Variants in ZDHHC11 observed in about 807,000 individuals in gnomAD.
ZDHHC11 encodes the protein zDHHC palmitoyltransferase 11.
ZDHHC11 carries 44 observed loss-of-function variants against 51.3 expected under a neutral mutation model. The ratio of observed to expected loss-of-function variants is 0.86; its 90% confidence interval spans 0.67 to 1.10. ZDHHC11 has a LOEUF of 1.10. Ranked by LOEUF, ZDHHC11 falls within the 50% of genes least tolerant of loss-of-function variation. The pLI is 0.00. For missense variants in ZDHHC11, 400 were observed against 537.7 expected (o/e 0.74, Z 2.53); for synonymous variants, 163 against 222.0 (o/e 0.73, Z 2.36).
At chr5:840,123 G>A in intron 5 of ZDHHC11, 1 of 610,422 alleles carries the variant, frequency 1.6e-6, no homozygotes, top group East Asian at 2.7e-5. Context: ...TTGTGTTTTT[G>A]GAAGTCCACC....
At chr5:821,161 C>T (rs1202425100) in intron 9 of ZDHHC11, 2 of 151,554 alleles carry the variant, frequency 1.3e-5, no homozygotes, top group Non-Finnish European at 3.0e-5. Flanking sequence ...AGCCCCTTGG[C>T]TCTCTGCTGC....
chr5:850,620 G>A lies in ZDHHC11; in HGVS notation c.-18C>T. On this transcript the variant is annotated 5_prime_UTR_variant, in exon 1 of 13. Coordinates refer to ENST00000283441, the MANE Select transcript of ZDHHC11 (RefSeq NM_024786.3). ...GTGTCCATCTGCAGGACACAGAAGG[G>A]GAGGACCTGCGCCGTCAGATCCTGG... is the stretch of plus-strand genomic sequence containing the variant. 6 of 1,611,526 alleles carry A rather than the reference G, an allele frequency of 3.7e-6. No individual in the cohort carries two copies. Among genetic ancestry groups the A allele is most frequent in the Non-Finnish European group, 5.1e-6 (6 of 1,178,974 alleles).
rs1744078858 is a variant in ZDHHC11, at chr5:837,615, C to A, written c.785-135G>T. ...AGGGAGAACTGCTCCGCCCACCATGCAGGCCCTGTGAGGTCAGGATGAGTG... is the reference window on the plus strand; with the variant it reads ...AGGGAGAACTGCTCCGCCCACCATGAAGGCCCTGTGAGGTCAGGATGAGTG... On this transcript the variant is annotated intron_variant, in intron 5 of 12. Coordinates refer to ENST00000283441, the MANE Select transcript of ZDHHC11 (RefSeq NM_024786.3). 9.4e-6 allele frequency: 9 copies of A among 957,214 alleles called. 1 individual carries two copies. 59.3% of individuals were successfully genotyped at this position (957,214 alleles called of 1,614,324 possible).
chr5:811,272 T>C lies in ZDHHC11; in HGVS notation c.1181+3489A>G, dbSNP rs189630588. On this transcript the variant is annotated intron_variant, in intron 11 of 12. Transcript: ENST00000283441. The stretch of plus-strand genomic sequence containing the variant: ...CCATAGGCTATACTTCAAAGTAAAA[T>C]CCAAAATAACCTGAATTCACTAAAT... Among the ~76,000 whole-genome samples, 1,137 of 138,616 alleles carry C rather than the reference T, an allele frequency of 8.2e-3. 100 individuals carry two copies. Among genetic ancestry groups the C allele is most frequent in the Non-Finnish European group, 0.014 (892 of 64,890 alleles). The allele number at this position is 138,616 out of a possible 152,430, so 90.9% of individuals were successfully genotyped here.
chr5:812,493 G>A (rs568303239), intron 11 of ZDHHC11, among the ~76,000 whole-genome samples: 3 of 151,552 alleles, frequency 2.0e-5, no homozygotes, highest in Non-Finnish European at 3.0e-5. Flanking sequence ...AGTCTCATTA[G>A]TAATAAGGAA....
rs1374175110 is a variant in ZDHHC11, at chr5:807,505, AAGCAGGTCAC to A, written c.1182-6351_1182-6342del. On this transcript the variant is annotated intron_variant, in intron 11 of 12. Coordinates refer to ENST00000283441, the MANE Select transcript of ZDHHC11 (RefSeq NM_024786.3). The stretch of plus-strand genomic sequence containing the variant: ...AAACAAAATACGGAGTCAATGAAGG[AAGCAGGTCAC>A]TCACAGATCAAGGATGAATCTGTTC... 1.3e-5 allele frequency among the ~76,000 whole-genome samples: 2 copies of A among 151,392 alleles called. 1 individual carries two copies. The highest frequency in any genetic ancestry group is 1.3e-4 in the Admixed American group (2 of 15,212).
chr5:821,180 G>A (rs1741512613), intron 9 of ZDHHC11: 1 of 151,534 alleles, frequency 6.6e-6, no homozygotes, highest in African/African-American at 2.4e-5. Flanking sequence ...GCTCCCCCCG[G>A]GGCAGGAGAA....
intron 3 of ZDHHC11, 73 bp downstream of exon 3, chr5:847,441 C>G (rs1746433287): frequency 1.9e-6 from 3 of 1,549,770 alleles, no homozygotes; most frequent in Non-Finnish European, 1.8e-6. Context: ...ACGATGACCC[C>G]TGCCCACAGA....
At chr5:817,866 G>C (rs546554739) in intron 10 of ZDHHC11, among the ~76,000 whole-genome samples, 2 of 151,434 alleles carry the variant, frequency 1.3e-5, no homozygotes, top group East Asian at 3.9e-4. Flanking sequence ...GAGTCAGGGT[G>C]TCTTCTATGG....
rs1254612008 is a variant in ZDHHC11, at chr5:850,944, C to T, written c.-342G>A. On this transcript the variant is annotated 5_prime_UTR_variant, in exon 1 of 13. Coordinates refer to ENST00000283441, the MANE Select transcript of ZDHHC11 (RefSeq NM_024786.3). The stretch of plus-strand genomic sequence containing the variant: ...AGGATTTGTTACGTTCTGGGGAGTG[C>T]TCGACAGCCCCCACACAGCGACAGG... The T allele has an allele frequency of 5.1e-6, 2 of 390,876 alleles. No homozygotes were observed. The highest frequency in any genetic ancestry group is 9.2e-5 in the East Asian group (2 of 21,840). The allele number at this position is 390,876 out of a possible 1,614,324, so 24.2% of individuals were successfully genotyped here.
At chr5:810,625 T>C (rs1204830442) in intron 11 of ZDHHC11, among the ~76,000 whole-genome samples, 1 of 151,280 alleles carries the variant, frequency 6.6e-6, no homozygotes, top group Non-Finnish European at 1.5e-5. Flanking sequence ...GAGCCTGAAG[T>C]AAAAGGCTGT....
At chr5:800,421 G>T (rs1369981228) in intron 12 of ZDHHC11, among the ~76,000 whole-genome samples, 1 of 150,524 alleles carries the variant, frequency 6.6e-6, no homozygotes, top group East Asian at 1.9e-4. Flanking sequence ...TTAGAGAAAG[G>T]GTTGCAGTCT....
intron 11 of ZDHHC11, among the ~76,000 whole-genome samples, chr5:808,984 TAC>T (rs56961185): frequency 0.58 from 77,026 of 133,548 alleles, 23,647 homozygotes; most frequent in Non-Finnish European, 0.72. Context: ...GACCATCAGT[TAC>T]ACACACACAC....
rs184811319 is a variant in ZDHHC11, at chr5:858,371, C to T, written c.-1+503G>A. Among the ~76,000 whole-genome samples, 790 of 143,478 alleles carry T rather than the reference C, an allele frequency of 5.5e-3. 6 individuals carry two copies. Among genetic ancestry groups the T allele is most frequent in the African/African-American group, 0.02 (748 of 36,852 alleles). 94.1% of individuals were successfully genotyped at this position (143,478 alleles called of 152,430 possible). On this transcript the variant is annotated intron_variant, in intron 1 of 3. Transcript: ENST00000685990. ...GGTCCCCATCCTGTCTTTATGACAC[C>T]GTGGTCCCCCAAGTCTGTCCAGGTC... is the stretch of plus-strand genomic sequence containing the variant.
chr5:818,308 T>C (rs1009963623), intron 10 of ZDHHC11, among the ~76,000 whole-genome samples: 6 of 151,656 alleles, frequency 4.0e-5, no homozygotes, highest in Admixed American at 3.9e-4. Context: ...TGGGTGAGTC[T>C]GGGCGGGGCA....
intron 11 of ZDHHC11, among the ~76,000 whole-genome samples, chr5:803,008 G>A (rs7737180): frequency 0.097 from 14,173 of 146,772 alleles, 1,140 homozygotes; most frequent in Admixed American, 0.22. Flanking sequence ...GCGACAGAGC[G>A]AGACTCTATC....
At chr5:838,839 C>T (rs1284103664) in intron 5 of ZDHHC11, among the ~76,000 whole-genome samples, 1 of 149,566 alleles carries the variant, frequency 6.7e-6, no homozygotes, top group Non-Finnish European at 1.5e-5. Flanking sequence ...AGCACAAGGG[C>T]CTGCAGCACC....
intron 9 of ZDHHC11, among the ~76,000 whole-genome samples, 200 bp from the exon 10 acceptor site, chr5:819,812 G>A (rs1461383973): frequency 2.0e-5 from 3 of 151,226 alleles, no homozygotes. Flanking sequence ...AGCTTCTCGT[G>A]TAAAGGACCA....
At chr5:848,957 T>A (rs1212050947) in intron 1 of ZDHHC11, among the ~76,000 whole-genome samples, 2 of 144,616 alleles carry the variant, frequency 1.4e-5, no homozygotes, top group Admixed American at 6.8e-5. Context: ...CCAGCCCTGC[T>A]CACCCGAGCC....
Sources: gnomAD v4.1 joint callset for allele counts (sites outside exome capture counted in the v4.1 genomes callset) on GRCh38, gnomAD v4.1.1 for gene constraint, MANE v1.5 for transcripts, NCBI Gene and HGNC (gene_info 2026-07-23, HGNC 2026-07-21) for gene names.